The following CELSR1 variants were observed in gnomAD, a reference collection of about 807,000 sequenced individuals.
The protein encoded by CELSR1 is adhesion G protein-coupled receptor C1.
A neutral mutation model predicts 249.1 loss-of-function variants in CELSR1; 110 were observed. That is an observed-to-expected ratio of 0.44 (90% CI 0.38 to 0.52). The LOEUF is 0.52. Among genes scored for constraint, CELSR1 ranks in the 20% least tolerant of loss-of-function variants. The pLI is 0.00. For missense variants in CELSR1, 4,109 were observed against 4,296.4 expected, an observed-to-expected ratio of 0.96 and a Z score of 1.22; for synonymous variants, 2,113 against 1,900.0, an observed-to-expected ratio of 1.11 and a Z score of -2.92.
Position 46,389,289 on chromosome 22 carries a change from C to A in CELSR1, c.6555+1G>T. The A allele has an allele frequency of 6.2e-7, 1 of 1,604,220 alleles. No homozygotes were observed. The highest frequency in any genetic ancestry group is 8.5e-7 in the Non-Finnish European group (1 of 1,179,656). ...AGCCAGGGTGGCGGCCACCCGCCTA[C>A]CTCGTGAAAGTCGGCGTCCTGCGTG... On this transcript the variant is annotated splice_donor_variant, in intron 18 of 34. Coordinates refer to ENST00000674500, the MANE Select transcript of CELSR1 (RefSeq NM_001378328.1). LOFTEE classifies it high-confidence loss of function.
In CELSR1 at chr22:46,473,055, G is replaced by T. The variant is rs1234482228; in HGVS notation, c.3545-8710C>A. Reference sequence around the variant, plus strand: ...CCCCGGGAATGCAGAGTAGCGGAGAGACACGGGCACGGAGGCAGGGGGTGG... The same window carrying T: ...CCCCGGGAATGCAGAGTAGCGGAGATACACGGGCACGGAGGCAGGGGGTGG... On this transcript the variant is annotated intron_variant, in intron 1 of 34. Coordinates refer to ENST00000674500, the MANE Select transcript of CELSR1 (RefSeq NM_001378328.1). This position sits in a 1 kb window ranked among gnomAD's most constrained non-coding sequence, Gnocchi z 6.6. 6.6e-6 allele frequency among the ~76,000 whole-genome samples: 1 copy of T among 152,168 alleles called. No individual in the cohort carries two copies. Among genetic ancestry groups the T allele is most frequent in the African/African-American group, 2.4e-5 (1 of 41,434 alleles).
Position 46,401,330 on chromosome 22 carries a change from C to A in CELSR1, c.5227-1428G>T, listed in dbSNP as rs146971270. Among the ~76,000 whole-genome samples the A allele has an allele frequency of 2.0e-3, 310 of 152,274 alleles. 1 individual carries two copies. The highest frequency in any genetic ancestry group is 7.2e-3 in the African/African-American group (301 of 41,558). On this transcript the variant is annotated intron_variant, in intron 9 of 34. Coordinates refer to ENST00000674500, the MANE Select transcript of CELSR1 (RefSeq NM_001378328.1). The surrounding 1 kb of genome is among the most constrained non-coding windows in gnomAD (Gnocchi z 4.7). The stretch of plus-strand genomic sequence containing the variant: ...TAAGAAAGGACTTGGCAATTTGGAC[C>A]ACCTCTCCTCTTGAAATCACCTACG...
intron 1 of CELSR1, among the ~76,000 whole-genome samples, chr22:46,476,141 C>T (rs779583096): frequency 1.3e-5 from 2 of 152,020 alleles, no homozygotes; most frequent in Non-Finnish European, 2.9e-5. Context: ...TCCCTAGGTG[C>T]AATGCAAAAA....
rs71192413 is a variant in CELSR1, at chr22:46,524,541, C to CGTGTGT, written c.3544+9080_3544+9085dup. On this transcript the variant is annotated intron_variant, in intron 1 of 34. Transcript: ENST00000674500. ...AAACGGCCCCCACCCCCGTTGTGTG[C>CGTGTGT]GTGTGTGTGTGTGTGTGTGTGTGTG... Among the ~76,000 whole-genome samples, 122 of 77,874 alleles carry CGTGTGT rather than the reference C, an allele frequency of 1.6e-3. 2 individuals carry two copies. The highest frequency in any genetic ancestry group is 6.9e-3 in the African/African-American group (112 of 16,224). The allele number at this position is 77,874 out of a possible 152,430, so 51.1% of individuals were successfully genotyped here.
chr22:46,378,243 C>T (rs1291829089), intron 23 of CELSR1, among the ~76,000 whole-genome samples: 1 of 152,146 alleles, frequency 6.6e-6, no homozygotes, highest in African/African-American at 2.4e-5. Context: ...TCCAACAGAC[C>T]CGCACTGAAG....
At chr22:46,372,203 T>C (rs1381838455) in intron 25 of CELSR1, among the ~76,000 whole-genome samples, 1 of 120,268 alleles carries the variant, frequency 8.3e-6, no homozygotes, top group Non-Finnish European at 1.7e-5. Context: ...CACTCACCCC[T>C]CCAACCATCC....
At chr22:46,383,468 TG>T (rs1431655054) in intron 20 of CELSR1, among the ~76,000 whole-genome samples, 2 of 152,208 alleles carry the variant, frequency 1.3e-5, no homozygotes, top group Non-Finnish European at 2.9e-5. Context: ...CTGGCTTTTT[TG>T]TTGTTGTTTT....
At position 46,363,578 on chromosome 22, in the gene CELSR1, C is replaced by T. The variant is rs984371654; in HGVS notation, c.9036-331G>A. 1.7e-4 allele frequency: 61 copies of T among 351,156 alleles called. No homozygotes were observed. Among genetic ancestry groups the T allele is most frequent in the Non-Finnish European group, 2.5e-4 (48 of 190,002 alleles). The allele number at this position is 351,156 out of a possible 1,614,324, so 21.8% of individuals were successfully genotyped here. A position where few individuals can be genotyped will look rare whatever the true frequency, so the allele number is the denominator to read the frequency against. ...TTGTGAGTTTGGAGGGAGGGAGGGGCGACAGGGAGAGGTCTGGGGCCAGGA... is the reference window on the plus strand; with the variant it reads ...TTGTGAGTTTGGAGGGAGGGAGGGGTGACAGGGAGAGGTCTGGGGCCAGGA... On this transcript the variant is annotated intron_variant, in intron 34 of 34. Coordinates refer to ENST00000674500, the MANE Select transcript of CELSR1 (RefSeq NM_001378328.1). This position sits in a 1 kb window ranked among gnomAD's most constrained non-coding sequence, Gnocchi z 4.3.
chr22:46,389,952 C>CA (rs2079071406), intron 17 of CELSR1, among the ~76,000 whole-genome samples: 1 of 151,098 alleles, frequency 6.6e-6, no homozygotes. Context: ...ACTCCATCTC[C>CA]AAAAAAAGAA....
rs1034875348 is a variant in CELSR1, at chr22:46,526,646, C to A, written c.3544+6981G>T. On this transcript the variant is annotated intron_variant, in intron 1 of 34. Coordinates refer to ENST00000674500, the MANE Select transcript of CELSR1 (RefSeq NM_001378328.1). This position sits in a 1 kb window ranked among gnomAD's most constrained non-coding sequence, Gnocchi z 4.7. The stretch of plus-strand genomic sequence containing the variant: ...CTCGGAGACACTCGCCCTCCCTCAG[C>A]CTCCAGGGCCTGCACCCGTGGGCCC... Among the ~76,000 whole-genome samples the A allele has an allele frequency of 6.6e-6, 1 of 152,202 alleles. No homozygotes were observed. The highest frequency in any genetic ancestry group is 1.5e-5 in the Non-Finnish European group (1 of 68,042).
chr22:46,415,967 C>T (rs1036121124), intron 5 of CELSR1, among the ~76,000 whole-genome samples: 6 of 152,172 alleles, frequency 3.9e-5, no homozygotes, highest in Non-Finnish European at 7.3e-5. Flanking sequence ...GAGCACGAGG[C>T]GGCGGCAGAG....
Position 46,429,071 on chromosome 22 carries a change from T to C in CELSR1, c.4611+4322A>G, listed in dbSNP as rs2079566192. On this transcript the variant is annotated intron_variant, in intron 5 of 34. Coordinates refer to ENST00000674500, the MANE Select transcript of CELSR1 (RefSeq NM_001378328.1). The surrounding 1 kb of genome is among the most constrained non-coding windows in gnomAD (Gnocchi z 4.1). ...CTAAACGTGATCCCCGCAGGCAGCC[T>C]CAGGGAAGCACAGTAAGGGAATGAC... is the stretch of plus-strand genomic sequence containing the variant. Among the ~76,000 whole-genome samples, 1 of 152,042 alleles carries C rather than the reference T, an allele frequency of 6.6e-6. No individual in the cohort carries two copies. Among genetic ancestry groups the C allele is most frequent in the African/African-American group, 2.4e-5 (1 of 41,390 alleles).
In CELSR1 at chr22:46,367,056, G is replaced by A. The variant is rs779419410; in HGVS notation, c.8142C>T (p.Gly2714=). The change falls in exon 29 of 35, where the codon GGC becomes GGT. Residue 2714 remains glycine, a synonymous_variant. Transcript: ENST00000674500. ...GGTGCAGCTTCCTCCCGCCGAGCAC[G>A]CCCTTCAGGTGCTTCCGGACCTCCT... is the stretch of plus-strand genomic sequence containing the variant. ...LNQEVRKHLK[G]VLGGRKLHLE... is the part of the protein sequence containing the mutation. The A allele has an allele frequency of 2.5e-5, 41 of 1,611,236 alleles. No individual in the cohort carries two copies. The East Asian group carries it at 5.6e-4, about 22-fold the overall frequency.
intron 1 of CELSR1, among the ~76,000 whole-genome samples, chr22:46,528,441 G>A (rs561119165): frequency 9.2e-5 from 14 of 152,096 alleles, no homozygotes; most frequent in Non-Finnish European, 1.9e-4. Context: ...CTACATCCAT[G>A]GGTCTGCAAC....
At chr22:46,492,666 A>G (rs891813886) in intron 1 of CELSR1, among the ~76,000 whole-genome samples, 4 of 152,094 alleles carry the variant, frequency 2.6e-5, no homozygotes, top group African/African-American at 4.8e-5. Context: ...TCTACTAAAA[A>G]TAACAAAAAT....
Position 46,506,184 on chromosome 22 carries a change from A to G in CELSR1, c.3544+27443T>C, listed in dbSNP as rs200779761. ...ACAGAGACTGTCTCCAAAAAAAAAAAAAAAAAAAAGAAAAAGAAAGAAAGA... is the reference window on the plus strand; with the variant it reads ...ACAGAGACTGTCTCCAAAAAAAAAAGAAAAAAAAAGAAAAAGAAAGAAAGA... On this transcript the variant is annotated intron_variant, in intron 1 of 34. Coordinates refer to ENST00000674500, the MANE Select transcript of CELSR1 (RefSeq NM_001378328.1). This position sits in a 1 kb window ranked among gnomAD's most constrained non-coding sequence, Gnocchi z 4.1. Among the ~76,000 whole-genome samples the G allele has an allele frequency of 2.2e-5, 1 of 44,640 alleles. No individual in the cohort carries two copies. Among genetic ancestry groups the G allele is most frequent in the Admixed American group, 4.3e-4 (1 of 2,324 alleles). The allele number at this position is 44,640 out of a possible 152,430, so 29.3% of individuals were successfully genotyped here.
chr22:46,528,348 T>TG (rs2080758723), intron 1 of CELSR1, among the ~76,000 whole-genome samples: 1 of 152,214 alleles, frequency 6.6e-6, no homozygotes, highest in Non-Finnish European at 1.5e-5. Context: ...TACTCAATCC[T>TG]GTTATTTCAC....
At chr22:46,394,541 T>C (rs1346523497) in intron 13 of CELSR1, among the ~76,000 whole-genome samples, 1 of 152,220 alleles carries the variant, frequency 6.6e-6, no homozygotes, top group Non-Finnish European at 1.5e-5. Context: ...TGGGGCTTAA[T>C]GACAATGAAC....
In CELSR1 at chr22:46,436,342, G is replaced by C. The variant is rs2079660962; in HGVS notation, c.4407-53C>G. ...AGGATGAAGACCCCAGGGTCCAAAGGCTGCCTAGGAATGACAAGTCCAGCC... is the reference window on the plus strand; with the variant it reads ...AGGATGAAGACCCCAGGGTCCAAAGCCTGCCTAGGAATGACAAGTCCAGCC... On this transcript the variant is annotated intron_variant, in intron 3 of 34. Coordinates refer to ENST00000674500, the MANE Select transcript of CELSR1 (RefSeq NM_001378328.1). The surrounding 1 kb of genome is among the most constrained non-coding windows in gnomAD (Gnocchi z 5.9). 2.8e-6 allele frequency: 4 copies of C among 1,424,518 alleles called. No individual in the cohort carries two copies. Among genetic ancestry groups the C allele is most frequent in the Admixed American group, 3.5e-5 (2 of 57,538 alleles). 88.2% of individuals were successfully genotyped at this position (1,424,518 alleles called of 1,614,324 possible).
Sources: gnomAD v4.1 joint callset for allele counts (sites outside exome capture counted in the v4.1 genomes callset) on GRCh38, gnomAD v4.1.1 for gene constraint, Gnocchi (gnomAD v3.1) non-coding constraint, MANE v1.5 for transcripts, NCBI Gene and HGNC (gene_info 2026-07-23, HGNC 2026-07-21) for gene names.